The following GMDS variants were observed in gnomAD, a reference collection of about 807,000 sequenced individuals.
GMDS encodes the protein GDP-mannose 4,6 dehydratase.
GMDS carries 20 observed loss-of-function variants against 49.9 expected under a neutral mutation model. The ratio of observed to expected loss-of-function variants is 0.40; its 90% CI spans 0.28 to 0.58. The LOEUF (loss-of-function observed/expected upper bound fraction) is 0.58. Among genes scored for constraint, GMDS ranks in the 20% least tolerant of loss-of-function variants. The pLI is 0.42. For missense variants in GMDS, 362 were observed against 481.4 expected, an observed-to-expected ratio of 0.75 and a Z score of 2.32; for synonymous variants, 177 against 178.6, an observed-to-expected ratio of 0.99 and a Z score of 0.07.
chr6:2,009,919 C>A (rs1423233357), intron 4 of GMDS, among the ~76,000 whole-genome samples: 4 of 152,052 alleles, frequency 2.6e-5, no homozygotes, highest in African/African-American at 9.7e-5. Flanking sequence ...TATTGAAATA[C>A]AAGAAAAATA....
At chr6:2,134,241 A>G (rs1320964060) in intron 1 of GMDS, among the ~76,000 whole-genome samples, 1 of 152,206 alleles carries the variant, frequency 6.6e-6, no homozygotes, top group Non-Finnish European at 1.5e-5. Flanking sequence ...TTGAACCTCT[A>G]TAGGACTAAT....
At chr6:1,789,671 G>C (rs1001938960) in intron 7 of GMDS, among the ~76,000 whole-genome samples, 1 of 148,624 alleles carries the variant, frequency 6.7e-6, no homozygotes, top group Non-Finnish European at 1.5e-5. Context: ...TAGTAGCTGG[G>C]ACTACAGGTG....
chr6:2,126,441 A>C (rs901875458), intron 1 of GMDS, among the ~76,000 whole-genome samples: 4 of 152,172 alleles, frequency 2.6e-5, no homozygotes, highest in Admixed American at 6.5e-5. Context: ...GGAAAAAAAA[A>C]CAAAAAACCT....
Position 1,812,677 on chromosome 6 carries a change from C to A in GMDS, c.772-70091G>T, listed in dbSNP as rs569158567. Among the ~76,000 whole-genome samples the A allele has an allele frequency of 3.3e-5, 5 of 152,200 alleles. No individual in the cohort carries two copies. In the East Asian group the frequency reaches 9.7e-4, roughly 29 times the overall value. On this transcript the variant is annotated intron_variant, in intron 7 of 10. Coordinates refer to ENST00000380815, the MANE Select transcript of GMDS (RefSeq NM_001500.4). The stretch of plus-strand genomic sequence containing the variant: ...AACCCCCCACCGACTGATTCAGGAT[C>A]TGCAAACCAGGGGCTGAGGAAGCTG...
chr6:2,072,436 T>C (rs1279030712), intron 4 of GMDS, among the ~76,000 whole-genome samples: 1 of 152,222 alleles, frequency 6.6e-6, no homozygotes, highest in Admixed American at 6.5e-5. Context: ...CAAACATGGA[T>C]TATTGCTCCA....
At chr6:1,704,844 G>T (rs1331207476) in intron 9 of GMDS, among the ~76,000 whole-genome samples, 1 of 151,820 alleles carries the variant, frequency 6.6e-6, no homozygotes, top group Non-Finnish European at 1.5e-5. Flanking sequence ...TATTGTTTTG[G>T]CGGCGGTGGA....
intron 1 of GMDS, among the ~76,000 whole-genome samples, chr6:2,217,433 TA>T (rs35451340): frequency 0.18 from 27,946 of 152,114 alleles, 2,746 homozygotes; most frequent in South Asian, 0.29. Flanking sequence ...ATATTTTCAA[TA>T]TTAAGTGAAG....
At chr6:2,123,838 A>C (rs1438161599) in intron 2 of GMDS, among the ~76,000 whole-genome samples, 1 of 152,234 alleles carries the variant, frequency 6.6e-6, no homozygotes, top group East Asian at 1.9e-4. Context: ...CAAGGCTCTC[A>C]GATTATGAGT....
At chr6:2,054,424 T>C (rs1447812804) in intron 4 of GMDS, among the ~76,000 whole-genome samples, 1 of 152,116 alleles carries the variant, frequency 6.6e-6, no homozygotes, top group Non-Finnish European at 1.5e-5. Flanking sequence ...GGAATAGCTC[T>C]AGTGAATTTC....
chr6:1,995,166 C>T (rs1766201220), intron 4 of GMDS, among the ~76,000 whole-genome samples: 1 of 152,156 alleles, frequency 6.6e-6, no homozygotes, highest in Non-Finnish European at 1.5e-5. Context: ...GCCACCATGG[C>T]AATGCCTGGA....
chr6:1,778,436 C>T lies in GMDS; in HGVS notation c.772-35850G>A, dbSNP rs1429901387. On this transcript the variant is annotated intron_variant, in intron 7 of 10. Transcript: ENST00000380815. The surrounding 1 kb of genome is among the most constrained non-coding windows in gnomAD (Gnocchi z 4.6). ...GACAGCAGACGAGTGGAACGGCGGG[C>T]ACTGTGCTGAGGAGTGGCCAAGGAA... is the stretch of plus-strand genomic sequence containing the variant. Among the ~76,000 whole-genome samples, 3 of 152,126 alleles carry T rather than the reference C, an allele frequency of 2.0e-5. No homozygotes were observed. Among genetic ancestry groups the T allele is most frequent in the East Asian group, 1.9e-4 (1 of 5,196 alleles).
At chr6:1,802,282 C>T (rs1479788941) in intron 7 of GMDS, among the ~76,000 whole-genome samples, 1 of 152,076 alleles carries the variant, frequency 6.6e-6, no homozygotes, top group African/African-American at 2.4e-5. Context: ...TGGGATCTTG[C>T]CTATAGTCGT....
intron 4 of GMDS, among the ~76,000 whole-genome samples, chr6:1,972,748 G>A (rs980882054): frequency 4.6e-5 from 7 of 152,162 alleles, no homozygotes; most frequent in African/African-American, 1.4e-4. Context: ...CGACTATACA[G>A]TCGCCGCAGA....
intron 4 of GMDS, among the ~76,000 whole-genome samples, chr6:2,083,529 G>A (rs1424827087): frequency 6.6e-6 from 1 of 152,136 alleles, no homozygotes; most frequent in East Asian, 1.9e-4. Flanking sequence ...TCATTCAAAT[G>A]AAAATGCCAC....
intron 1 of GMDS, among the ~76,000 whole-genome samples, chr6:2,129,881 C>T (rs1354627179): frequency 6.6e-6 from 1 of 152,164 alleles, no homozygotes; most frequent in African/African-American, 2.4e-5. Flanking sequence ...AATCATTGGA[C>T]AAAATCTCTG....
intron 9 of GMDS, among the ~76,000 whole-genome samples, chr6:1,708,113 G>A (rs191005780): frequency 2.0e-5 from 3 of 152,326 alleles, no homozygotes; most frequent in African/African-American, 7.2e-5. Flanking sequence ...GAAATATCCA[G>A]AAGTATCAAG....
intron 2 of GMDS, among the ~76,000 whole-genome samples, chr6:2,124,323 AT>A (rs1339715493): frequency 2.0e-5 from 3 of 152,162 alleles, no homozygotes; most frequent in African/African-American, 7.2e-5. Context: ...GTTCTCTGTA[AT>A]TTCTGAATTA....
intron 1 of GMDS, among the ~76,000 whole-genome samples, chr6:2,169,631 A>C (rs966598941): frequency 1.3e-5 from 2 of 151,974 alleles, no homozygotes; most frequent in Non-Finnish European, 1.5e-5. Context: ...CAAAAAAAAA[A>C]AAAAACAAAA....
intron 7 of GMDS, among the ~76,000 whole-genome samples, chr6:1,929,564 C>A (rs2127237374): frequency 6.6e-6 from 1 of 152,182 alleles, no homozygotes; most frequent in East Asian, 1.9e-4. Context: ...TTATTAACAT[C>A]TTTCTCTATC....
Sources: gnomAD v4.1 joint callset for allele counts (sites outside exome capture counted in the v4.1 genomes callset) on GRCh38, gnomAD v4.1.1 for gene constraint, Gnocchi (gnomAD v3.1) non-coding constraint, MANE v1.5 for transcripts, NCBI Gene and HGNC (gene_info 2026-07-23, HGNC 2026-07-21) for gene names.